LEPR: variants seen among roughly 807,000 people sequenced by gnomAD.
LEPR encodes the protein OB receptor.
Under a neutral mutation model 114.7 loss-of-function variants are expected in LEPR, and 56 were observed. That is an observed-to-expected ratio of 0.49 (90% CI 0.39 to 0.61). LEPR has a LOEUF of 0.61. Among genes scored for constraint, LEPR ranks in the 20% least tolerant of loss-of-function variants. The pLI, the probability that LEPR is intolerant of heterozygous loss-of-function variation, is 0.00. For synonymous variants in LEPR, 443 were observed against 461.4 expected, an observed-to-expected ratio of 0.96 and a Z score of 0.51; for missense variants, 1,202 against 1,352.9, an observed-to-expected ratio of 0.89 and a Z score of 1.75.
intron 2 of LEPR, among the ~76,000 whole-genome samples, chr1:65,530,021 T>C (rs1343560981): frequency 1.3e-5 from 2 of 152,236 alleles, no homozygotes; most frequent in Non-Finnish European, 2.9e-5. Context: ...AAGCCTTGAC[T>C]GCTCCCTCTG....
At chr1:65,507,446 T>TGTGTG (rs1164288454) in intron 2 of LEPR, among the ~76,000 whole-genome samples, 1,398 of 131,530 alleles carry the variant, frequency 0.011, 18 homozygotes, top group African/African-American at 0.033. Flanking sequence ...ATTGTGTGTG[T>TGTGTG]GTGTGTGTGT....
rs913772899 is a variant in LEPR, at chr1:65,641,426, T to G, written c.*4411T>G. ...AAGATATGCATCACTAACTGTTCTATGAAATTTGTCTACTTCTCCTTTATG... is the reference window on the plus strand; with the variant it reads ...AAGATATGCATCACTAACTGTTCTAGGAAATTTGTCTACTTCTCCTTTATG... On this transcript the variant is annotated 3_prime_UTR_variant, in exon 20 of 20. Transcript: ENST00000349533. 1 of 152,238 alleles carries G rather than the reference T, an allele frequency of 6.6e-6. No homozygotes were observed. The highest frequency in any genetic ancestry group is 1.5e-5 in the Non-Finnish European group (1 of 68,034). The allele number at this position is 152,238 out of a possible 1,614,324, so 9.4% of individuals were successfully genotyped here.
At chr1:65,547,786 G>GT (rs1047732596) in intron 2 of LEPR, among the ~76,000 whole-genome samples, 2 of 90,694 alleles carry the variant, frequency 2.2e-5, no homozygotes, top group African/African-American at 4.5e-5. Flanking sequence ...TTTTTGAAGG[G>GT]TTTTTTGTGT....
intron 10 of LEPR, among the ~76,000 whole-genome samples, chr1:65,604,262 T>C (rs1444821851): frequency 6.6e-6 from 1 of 152,106 alleles, no homozygotes; most frequent in Non-Finnish European, 1.5e-5. Flanking sequence ...TTGGGAAAAA[T>C]TAAAAAATGC....
intron 2 of LEPR, among the ~76,000 whole-genome samples, chr1:65,459,054 G>A (rs1400158415): frequency 1.3e-5 from 2 of 152,184 alleles, no homozygotes; most frequent in African/African-American, 4.8e-5. Context: ...CACCTTTAGT[G>A]TGAGATTTTA....
chr1:65,433,328 A>G (rs1049500950), intron 2 of LEPR: 2 of 985,288 alleles, frequency 2.0e-6, no homozygotes, highest in African/African-American at 1.7e-5. Context: ...GGTCTTTTCT[A>G]TATAACTTTA....
intron 2 of LEPR, among the ~76,000 whole-genome samples, chr1:65,484,682 T>C (rs1647395232): frequency 6.6e-6 from 1 of 152,224 alleles, no homozygotes; most frequent in Admixed American, 6.5e-5. Flanking sequence ...GAAAAGCCTC[T>C]GGCTTCAATA....
intron 2 of LEPR, among the ~76,000 whole-genome samples, chr1:65,534,475 A>C (rs1011116770): frequency 6.6e-6 from 1 of 152,238 alleles, no homozygotes; most frequent in African/African-American, 2.4e-5. Context: ...CTCGGGGCTA[A>C]GCATTATTCT....
At chr1:65,553,452 A>G (rs1435271785) in intron 2 of LEPR, among the ~76,000 whole-genome samples, 3 of 151,496 alleles carry the variant, frequency 2.0e-5, no homozygotes, top group Non-Finnish European at 4.4e-5. Flanking sequence ...TTCATGCTTT[A>G]TTTCATTAAG....
At chr1:65,514,421 G>A (rs1351962562) in intron 2 of LEPR, among the ~76,000 whole-genome samples, 2 of 152,088 alleles carry the variant, frequency 1.3e-5, no homozygotes, top group Non-Finnish European at 2.9e-5. Flanking sequence ...AAGAACACAT[G>A]GTCTTACATA....
chr1:65,458,690 T>G lies in LEPR; in HGVS notation c.-21+33312T>G, dbSNP rs116162400. ...TGTAGATATTTCTTGGTATTTTTCC[T>G]GCTTGGCATTGTGTGAGCTTCCTGA... is the stretch of plus-strand genomic sequence containing the variant. On this transcript the variant is annotated intron_variant, in intron 2 of 19. Coordinates refer to ENST00000349533, the MANE Select transcript of LEPR (RefSeq NM_002303.6). Among the ~76,000 whole-genome samples, 488 of 152,046 alleles carry G rather than the reference T, an allele frequency of 3.2e-3. 1 individual carries two copies. Among genetic ancestry groups the G allele is most frequent in the African/African-American group, 0.011 (476 of 41,442 alleles).
intron 2 of LEPR, among the ~76,000 whole-genome samples, chr1:65,520,043 T>C (rs1649551856): frequency 6.6e-6 from 1 of 152,070 alleles, no homozygotes; most frequent in South Asian, 2.1e-4. Flanking sequence ...TTTTGTATTT[T>C]AAGTAGAGAC....
intron 2 of LEPR, among the ~76,000 whole-genome samples, chr1:65,503,454 C>A (rs1648564697): frequency 6.6e-6 from 1 of 151,986 alleles, no homozygotes; most frequent in Non-Finnish European, 1.5e-5. Flanking sequence ...TAGAAATGAG[C>A]AGAGATTGTA....
intron 5 of LEPR, among the ~76,000 whole-genome samples, chr1:65,584,824 G>A (rs1323055741): frequency 1.3e-5 from 2 of 151,968 alleles, no homozygotes; most frequent in African/African-American, 2.4e-5. Flanking sequence ...GTTTCAGTTT[G>A]CATTCTTCTT....
At chr1:65,443,410 T>C (rs1646673987) in intron 2 of LEPR, among the ~76,000 whole-genome samples, 1 of 151,402 alleles carries the variant, frequency 6.6e-6, no homozygotes, top group Admixed American at 6.6e-5. Context: ...TTTCCAAATT[T>C]TCAATAGGAA....
At chr1:65,465,540 T>C (rs1479426965) in intron 2 of LEPR, among the ~76,000 whole-genome samples, 1 of 152,188 alleles carries the variant, frequency 6.6e-6, no homozygotes, top group Non-Finnish European at 1.5e-5. Flanking sequence ...GTCTATTAGG[T>C]CCACTTGGTC....
chr1:65,436,645 A>G (rs1366696805), intron 2 of LEPR, among the ~76,000 whole-genome samples: 1 of 152,270 alleles, frequency 6.6e-6, no homozygotes, highest in Non-Finnish European at 1.5e-5. Flanking sequence ...TACGAGGCAC[A>G]TAGGCAAAGT....
chr1:65,500,066 T>C (rs1465633919), intron 2 of LEPR, among the ~76,000 whole-genome samples: 1 of 152,118 alleles, frequency 6.6e-6, no homozygotes, highest in Non-Finnish European at 1.5e-5. Flanking sequence ...TGAGATCTGA[T>C]GGCTTAAAAA....
At chr1:65,550,803 G>A (rs986884662) in intron 2 of LEPR, among the ~76,000 whole-genome samples, 1 of 151,660 alleles carries the variant, frequency 6.6e-6, no homozygotes, top group East Asian at 1.9e-4. Flanking sequence ...GCTTTGGCTC[G>A]CGCACAGCGC....
Sources: gnomAD v4.1 joint callset for allele counts (sites outside exome capture counted in the v4.1 genomes callset) on GRCh38, gnomAD v4.1.1 for gene constraint, MANE v1.5 for transcripts, NCBI Gene and HGNC (gene_info 2026-07-23, HGNC 2026-07-21) for gene names.